RC3H1: variants seen among roughly 807,000 people sequenced by gnomAD.
RC3H1 encodes the protein roquin-1.
Under a neutral mutation model 138.2 loss-of-function variants are expected in RC3H1, and 50 were observed. The ratio of observed to expected loss-of-function variants is 0.36; its 90% CI spans 0.29 to 0.46. The LOEUF (loss-of-function observed/expected upper bound fraction) is 0.46. Ranked by LOEUF, RC3H1 falls within the 20% of genes least tolerant of loss-of-function variation. The pLI is 1.00. For synonymous variants in RC3H1, 462 were observed against 489.1 expected (o/e 0.94, Z 0.73); for missense variants, 1,031 against 1,388.1 (o/e 0.74, Z 4.09).
rs375480748 is a variant in RC3H1 at position 173,964,835 on chromosome 1, G to A, written c.1616+4C>T. 3.9e-5 allele frequency: 63 copies of A among 1,608,028 alleles called. No individual in the cohort carries two copies. The African/African-American group carries it at 5.0e-4, about 13-fold the overall frequency. ...TTGAAATAAGAGTTAGAAAAATGACGTACAGGTCAGGAGGGGATCCAGGAG... is the reference window on the plus strand; with the variant it reads ...TTGAAATAAGAGTTAGAAAAATGACATACAGGTCAGGAGGGGATCCAGGAG... On this transcript the variant is annotated splice_donor_region_variant and intron_variant, in intron 10 of 19. Transcript: ENST00000367696.
At chr1:174,017,801 A>C (rs974797166) in intron 1 of RC3H1, among the ~76,000 whole-genome samples, 4 of 148,558 alleles carry the variant, frequency 2.7e-5, no homozygotes, top group Non-Finnish European at 5.9e-5. Flanking sequence ...AAAAAAAAAA[A>C]AAAAAAAAAC....
intron 1 of RC3H1, among the ~76,000 whole-genome samples, chr1:174,018,992 T>C (rs1438402555): frequency 6.6e-6 from 1 of 152,186 alleles, no homozygotes; most frequent in East Asian, 1.9e-4. Context: ...AAATTATAAA[T>C]TAAGAACTTC....
chr1:173,958,168 C>A (rs529915504), intron 13 of RC3H1, among the ~76,000 whole-genome samples: 1 of 151,544 alleles, frequency 6.6e-6, no homozygotes, highest in Non-Finnish European at 1.5e-5. Context: ...AGAAACCTTA[C>A]TTGATTATTA....
Position 173,980,911 on chromosome 1 carries a change from C to T in RC3H1, c.867G>A (p.Gln289=), listed in dbSNP as rs760434400. 1.2e-6 allele frequency: 2 copies of T among 1,614,084 alleles called. No individual in the cohort carries two copies. Among genetic ancestry groups the T allele is most frequent in the Non-Finnish European group, 8.5e-7 (1 of 1,179,938 alleles). The part of the protein sequence containing the change: ...LRREHDSQIV[Q]IAMEAGLRIA... ...TTCGTAAGCCTGCTTCCATAGCAAT[C>T]TGCACTATCTGGGAGTCATGTTCTC... Residue 289 remains glutamine, a synonymous_variant, in exon 6 of 20, where the codon CAG becomes CAA. Transcript: ENST00000367696.
At chr1:173,971,455 G>A (rs1030574825) in intron 8 of RC3H1, among the ~76,000 whole-genome samples, 21 of 152,154 alleles carry the variant, frequency 1.4e-4, no homozygotes, top group African/African-American at 4.6e-4. Context: ...TTGACATGCA[G>A]AATAATATAT....
chr1:173,998,505 A>G (rs1028707368), intron 1 of RC3H1, among the ~76,000 whole-genome samples: 5 of 152,230 alleles, frequency 3.3e-5, no homozygotes, highest in Non-Finnish European at 7.3e-5. Flanking sequence ...GTTCAAAAAT[A>G]CCATATAATT....
Position 173,992,844 on chromosome 1 carries a change from T to C in RC3H1, c.142A>G (p.Lys48Glu), listed in dbSNP as rs751425376. ...GTGGTCTGGTCAAATGGGCAAGCCTTGCGGTGGAGTTTATTCAGGCACATC... is the reference window on the plus strand; with the variant it reads ...GTGGTCTGGTCAAATGGGCAAGCCTCGCGGTGGAGTTTATTCAGGCACATC... ...CKMCLNKLHR[K>E]ACPFDQTTIN... Residue 48 changes from lysine to glutamate, a missense_variant, in exon 2 of 20, where the codon AAG (lysine) becomes GAG (glutamate). Around this residue, in one of 7 missense-constraint regions of RC3H1, gnomAD observed 35 missense variants for 69.4 expected, o/e 0.50. Coordinates refer to ENST00000367696, the MANE Select transcript of RC3H1 (RefSeq NM_172071.4). 55 of 1,614,024 alleles carry C rather than the reference T, an allele frequency of 3.4e-5. No individual in the cohort carries two copies. The Admixed American group carries it at 5.3e-4, about 16-fold the overall frequency.
chr1:174,008,818 T>C (rs1661698800), intron 1 of RC3H1, among the ~76,000 whole-genome samples: 1 of 151,436 alleles, frequency 6.6e-6, no homozygotes, highest in African/African-American at 2.4e-5. Context: ...CTCTACTAAA[T>C]ACACAAAAAT....
chr1:173,980,078 A>G (rs770522842), intron 6 of RC3H1, among the ~76,000 whole-genome samples: 8 of 149,958 alleles, frequency 5.3e-5, no homozygotes, highest in Non-Finnish European at 1.0e-4. Flanking sequence ...GAGTGTCCCA[A>G]TGTTTCCCAG....
In RC3H1 at chr1:173,972,574, T is replaced by A. The variant is rs994998032; in HGVS notation, c.1156A>T (p.Thr386Ser). Residue 386 changes from threonine to serine, a missense_variant, in exon 8 of 20, where the codon ACA becomes TCA. Physicochemically the swap from Thr to Ser is moderately conservative, Grantham distance 58. This residue lies in a region of RC3H1 where 142 missense variants were observed against 224.6 expected (regional missense o/e 0.63). Transcript: ENST00000367696. ...QLENGLVAVR[T>S]VVHGLVDYIQ... ...TAATCAACCAGCCCATGTACCACTG[T>A]ACGCACAGCAACCAGCCCATTTTCC... The A allele has an allele frequency of 1.2e-6, 2 of 1,613,972 alleles. No individual in the cohort carries two copies. The highest frequency in any genetic ancestry group is 1.7e-6 in the Non-Finnish European group (2 of 1,179,966).
chr1:173,941,553 C>G, intron 18 of RC3H1, 173 bp from the exon 19 acceptor site: 1 of 521,012 alleles, frequency 1.9e-6, no homozygotes, highest in Non-Finnish European at 3.4e-6. Context: ...TAACAGAATA[C>G]AATCCACTTG....
chr1:173,970,916 T>G (rs1208205608), intron 8 of RC3H1, among the ~76,000 whole-genome samples: 1 of 151,428 alleles, frequency 6.6e-6, no homozygotes, highest in South Asian at 2.1e-4. Flanking sequence ...TTGTATTATA[T>G]GGAAAAAGAA....
chr1:174,022,282 C>T lies in RC3H1; in HGVS notation c.-337G>A, dbSNP rs1440857829. 3 of 387,358 alleles carry T rather than the reference C, an allele frequency of 7.7e-6. No homozygotes were observed. Among genetic ancestry groups the T allele is most frequent in the Non-Finnish European group, 1.4e-5 (3 of 219,300 alleles). The allele number at this position is 387,358 out of a possible 1,614,324, so 24.0% of individuals were successfully genotyped here. On this transcript the variant is annotated 5_prime_UTR_variant, in exon 1 of 20. Coordinates refer to ENST00000367696, the MANE Select transcript of RC3H1 (RefSeq NM_172071.4). This position sits in a 1 kb window ranked among gnomAD's most constrained non-coding sequence, Gnocchi z 4.2. Reference sequence around the variant, plus strand: ...CCCACCTGCTGCTGCTGAGGCTGCTCCTGCAGCAGGGGCCATCTTGTTGCT... The same window carrying T: ...CCCACCTGCTGCTGCTGAGGCTGCTTCTGCAGCAGGGGCCATCTTGTTGCT...
intron 6 of RC3H1, among the ~76,000 whole-genome samples, chr1:173,979,259 T>C (rs956539787): frequency 6.6e-6 from 1 of 152,226 alleles, no homozygotes; most frequent in African/African-American, 2.4e-5. Flanking sequence ...TTTAAAGCAC[T>C]GCGTGTGATA....
At position 173,980,939 on chromosome 1, in the gene RC3H1, C is replaced by T. The variant is rs1365012968; in HGVS notation, c.839G>A (p.Arg280Gln). The change falls in exon 6 of 20, where the codon CGG (arginine) becomes CAG (glutamine). Residue 280 changes from arginine (R) to glutamine (Q), a missense_variant. Physicochemically the swap from Arg to Gln is conservative, Grantham distance 43. This residue lies in a region of RC3H1 where 142 missense variants were observed against 224.6 expected (regional missense o/e 0.63). Transcript: ENST00000367696. ...CACTATCTGGGAGTCATGTTCTCGC[C>T]GCAGAGCTTCATAGGTTCTAAATTC... ...KEEFRTYEAL[R>Q]REHDSQIVQI... 2.5e-6 allele frequency: 4 copies of T among 1,613,832 alleles called. No homozygotes were observed. The highest frequency in any genetic ancestry group is 3.4e-6 in the Non-Finnish European group (4 of 1,179,898).
chr1:174,017,783 C>CCAAAAAA (rs1165317766), intron 1 of RC3H1, among the ~76,000 whole-genome samples: 12 of 72,040 alleles, frequency 1.7e-4, no homozygotes, highest in African/African-American at 5.7e-4. Context: ...TTTTCTTGCT[C>CCAAAAAA]AAAAAAAAAA....
Position 173,943,555 on chromosome 1 carries a change from G to T in RC3H1, c.3022C>A (p.Pro1008Thr). 6.2e-7 allele frequency: 1 copy of T among 1,614,114 alleles called. No homozygotes were observed. The highest frequency in any genetic ancestry group is 8.5e-7 in the Non-Finnish European group (1 of 1,179,982). Reference sequence around the variant, plus strand: ...CATTTTGGAGGTGGCGGTGGTGGGGGCTGTGACTGGCCTGCCAGGGTGTTT... The same window carrying T: ...CATTTTGGAGGTGGCGGTGGTGGGGTCTGTGACTGGCCTGCCAGGGTGTTT... ...EANTLAGQSQ[P>T]PPPPPPKWPG... The change falls in exon 18 of 20, where the codon CCC (proline) becomes ACC (threonine). Residue 1008 changes from proline (P) to threonine (T), a missense_variant. Physicochemically the swap from Pro to Thr is conservative, Grantham distance 38. Around this residue, in one of 7 missense-constraint regions of RC3H1, gnomAD observed 716 missense variants for 837.9 expected, o/e 0.85. Coordinates refer to ENST00000367696, the MANE Select transcript of RC3H1 (RefSeq NM_172071.4).
intron 19 of RC3H1, 52 bp downstream of exon 19, chr1:173,941,213 T>C (rs1658843700): frequency 1.9e-6 from 2 of 1,027,676 alleles, no homozygotes; most frequent in East Asian, 2.4e-5. Context: ...AATATATTAG[T>C]TTCTCTTTTG....
At chr1:173,951,836 T>C (rs763979317) in intron 14 of RC3H1, 150 bp downstream of exon 14, 4 of 520,376 alleles carry the variant, frequency 7.7e-6, no homozygotes, top group Non-Finnish European at 1.2e-5. Context: ...CAAAAACCTA[T>C]ACTGTTTAAA....
Sources: allele counts gnomAD v4.1 joint callset (sites outside exome capture counted in the v4.1 genomes callset), GRCh38; gene constraint gnomAD v4.1.1; regional missense constraint gnomAD v4.1.1; non-coding constraint Gnocchi (gnomAD v3.1); transcripts MANE v1.5; gene names NCBI Gene and HGNC (gene_info 2026-07-23, HGNC 2026-07-21).